Variants in CSGALNACT1 observed in about 807,000 individuals in gnomAD.
CSGALNACT1 encodes beta4GalNAcT-1.
CSGALNACT1 carries 52 observed loss-of-function variants against 51.0 expected under a neutral mutation model. The observed-to-expected ratio is 1.02, with a 90% confidence interval of 0.82 to 1.29. The LOEUF is 1.29. CSGALNACT1 is among the 50% of genes most tolerant of loss of function. The probability of loss-of-function intolerance (pLI) is 0.00; values close to 1 mark genes in which losing one functional copy is unlikely to be tolerated. For synonymous variants in CSGALNACT1, 341 were observed against 254.4 expected (o/e 1.34, Z -3.24); for missense variants, 935 against 679.2 (o/e 1.38, Z -4.19).
intron 3 of CSGALNACT1, among the ~76,000 whole-genome samples, chr8:19,546,040 A>G (rs929825305): frequency 2.0e-5 from 3 of 151,982 alleles, no homozygotes; most frequent in Admixed American, 6.6e-5. Flanking sequence ...TTGTCATACC[A>G]TTAGATCAAA....
chr8:19,634,344 G>C (rs369604847), intron 1 of CSGALNACT1, among the ~76,000 whole-genome samples: 1 of 152,114 alleles, frequency 6.6e-6, no homozygotes, highest in African/African-American at 2.4e-5. Flanking sequence ...TGGGATGTTC[G>C]TGATGGGATT....
At chr8:19,722,320 C>G (rs1326074050) in intron 1 of CSGALNACT1, among the ~76,000 whole-genome samples, 1 of 152,064 alleles carries the variant, frequency 6.6e-6, no homozygotes, top group African/African-American at 2.4e-5. Context: ...ATGAATTAAT[C>G]GATTAGCTTT....
At chr8:19,632,229 A>G (rs2055367065) in intron 1 of CSGALNACT1, among the ~76,000 whole-genome samples, 1 of 152,248 alleles carries the variant, frequency 6.6e-6, no homozygotes, top group African/African-American at 2.4e-5. Flanking sequence ...AACTTTACAT[A>G]ATCAAAATCA....
At chr8:19,545,731 G>T (rs2086309818) in intron 3 of CSGALNACT1, among the ~76,000 whole-genome samples, 1 of 151,212 alleles carries the variant, frequency 6.6e-6, no homozygotes. Flanking sequence ...GGCAACTAAA[G>T]TTAGATGACG....
At chr8:19,601,783 G>T (rs957149828) in exon 2 of CSGALNACT1, 2 of 453,536 alleles carry the variant, frequency 4.4e-6, no homozygotes, top group African/African-American at 4.0e-5. Context: ...GGGGGTTCAA[G>T]AAGGGAAGGT....
chr8:19,541,826 C>T (rs1241956085), intron 3 of CSGALNACT1, among the ~76,000 whole-genome samples: 1 of 151,848 alleles, frequency 6.6e-6, no homozygotes, highest in South Asian at 2.1e-4. Flanking sequence ...TTCTATTTTC[C>T]TATTCTTAAA....
At position 19,428,845 on chromosome 8, in the gene CSGALNACT1, G is replaced by A. The variant is rs1009225175; in HGVS notation, c.954-8327C>T. Among the ~76,000 whole-genome samples the A allele has an allele frequency of 4.2e-3, 576 of 137,686 alleles. 5 individuals carry two copies. Among genetic ancestry groups the A allele is most frequent in the Middle Eastern group, 0.02 (5 of 244 alleles). The allele number at this position is 137,686 out of a possible 152,430, so 90.3% of individuals were successfully genotyped here. Reference sequence around the variant, plus strand: ...ATGATATGTGTGTGTGTGTGTGTGTGTGTGTGTGTGTGTGTGTGTGTGTGT... The same window carrying A: ...ATGATATGTGTGTGTGTGTGTGTGTATGTGTGTGTGTGTGTGTGTGTGTGT... On this transcript the variant is annotated intron_variant, in intron 6 of 9. Coordinates refer to ENST00000454498, the Ensembl canonical transcript of CSGALNACT1.
intron 8 of CSGALNACT1, among the ~76,000 whole-genome samples, chr8:19,415,712 C>G (rs1006362038): frequency 6.6e-6 from 1 of 152,196 alleles, no homozygotes; most frequent in East Asian, 1.9e-4. Context: ...AAATGTTAAT[C>G]ACATTCTATG....
At position 19,464,267 on chromosome 8, in the gene CSGALNACT1, T is replaced by C. The variant is rs141227439; in HGVS notation, c.635-5625A>G. 2.0e-5 allele frequency among the ~76,000 whole-genome samples: 3 copies of C among 152,290 alleles called. No homozygotes were observed. The East Asian group carries it at 5.8e-4, about 29-fold the overall frequency. ...AAGAAGCATCTGCCAACCCACATCC[T>C]GGCCTCTGGGGCCCAGTCGGTCCCA... On this transcript the variant is annotated intron_variant, in intron 4 of 9. Coordinates refer to ENST00000454498, the Ensembl canonical transcript of CSGALNACT1.
chr8:19,500,314 C>T (rs767096122), intron 4 of CSGALNACT1, among the ~76,000 whole-genome samples: 6 of 152,094 alleles, frequency 3.9e-5, no homozygotes, highest in Non-Finnish European at 7.4e-5. Flanking sequence ...GAGTCTCCTC[C>T]CACTACACCC....
At chr8:19,698,849 G>C (rs770389164) in intron 1 of CSGALNACT1, among the ~76,000 whole-genome samples, 1 of 152,084 alleles carries the variant, frequency 6.6e-6, no homozygotes, top group African/African-American at 2.4e-5. Flanking sequence ...ATCTATGGGG[G>C]ACTGGTTCCA....
intron 1 of CSGALNACT1, among the ~76,000 whole-genome samples, chr8:19,635,558 T>C (rs1205032874): frequency 6.6e-6 from 1 of 152,154 alleles, no homozygotes; most frequent in Non-Finnish European, 1.5e-5. Flanking sequence ...TTGTCTGTAG[T>C]CTCACCAGAT....
chr8:19,571,589 A>G lies in CSGALNACT1; in HGVS notation c.-297+19571T>C, dbSNP rs17128662. 6.1e-3 allele frequency among the ~76,000 whole-genome samples: 932 copies of G among 152,372 alleles called. 10 individuals carry two copies. The highest frequency in any genetic ancestry group is 0.021 in the African/African-American group (883 of 41,586). On this transcript the variant is annotated intron_variant, in intron 3 of 9. Transcript: ENST00000454498. ...AAGGATCTACACATATTTTAAGTTA[A>G]TGGCTAAAGCAGAAAGGGGTTTTTG...
chr8:19,505,892 G>A (rs762416631), exon 4 of CSGALNACT1: 8 of 1,596,632 alleles, frequency 5.0e-6, no homozygotes, highest in East Asian at 2.2e-5. Context: ...GGGCCCCCAC[G>A]GAAGGGCTTC....
intron 1 of CSGALNACT1, among the ~76,000 whole-genome samples, chr8:19,621,917 G>C (rs528436778): frequency 6.6e-6 from 1 of 152,330 alleles, no homozygotes; most frequent in East Asian, 1.9e-4. Flanking sequence ...ACAATGTAAT[G>C]CTACAGACAA....
At chr8:19,517,764 T>C (rs573171957) in intron 3 of CSGALNACT1, among the ~76,000 whole-genome samples, 8 of 152,238 alleles carry the variant, frequency 5.3e-5, no homozygotes, top group Non-Finnish European at 8.8e-5. Context: ...GAGAACATTA[T>C]AGGGGAAACC....
At chr8:19,490,628 T>A (rs747874814) in intron 4 of CSGALNACT1, among the ~76,000 whole-genome samples, 3 of 152,186 alleles carry the variant, frequency 2.0e-5, no homozygotes. Flanking sequence ...TATATGCTGA[T>A]TGGTTCTCTC....
At chr8:19,429,743 G>C (rs987485058) in intron 6 of CSGALNACT1, among the ~76,000 whole-genome samples, 2 of 152,154 alleles carry the variant, frequency 1.3e-5, no homozygotes, top group African/African-American at 4.8e-5. Context: ...GTATATACCT[G>C]GGATCAGAAC....
At chr8:19,678,061 G>C (rs1040260397) in intron 1 of CSGALNACT1, among the ~76,000 whole-genome samples, 1 of 151,866 alleles carries the variant, frequency 6.6e-6, no homozygotes, top group South Asian at 2.1e-4. Flanking sequence ...GAGCAGAATC[G>C]TGCCACTGCA....
Sources: gnomAD v4.1 joint callset for allele counts (sites outside exome capture counted in the v4.1 genomes callset) on GRCh38, gnomAD v4.1.1 for gene constraint, MANE v1.5 for transcripts, NCBI Gene and HGNC (gene_info 2026-07-23, HGNC 2026-07-21) for gene names.